Variants in PDE11A observed in about 807,000 individuals in gnomAD.
The protein encoded by PDE11A is dual 3',5'-cyclic-AMP and -GMP phosphodiesterase 11A.
In PDE11A, 100 loss-of-function variants were observed where a neutral mutation model predicts 100.5. The ratio of observed to expected loss-of-function variants is 1.00; its 90% confidence interval spans 0.85 to 1.18. The LOEUF is 1.18. PDE11A is among the 50% of genes most tolerant of loss of function. PDE11A has a pLI of 0.00. For missense variants in PDE11A, 1,141 were observed against 1,152.6 expected, an observed-to-expected ratio of 0.99 and a Z score of 0.15; for synonymous variants, 381 against 420.8, an observed-to-expected ratio of 0.91 and a Z score of 1.16.
chr2:178,010,610 G>T (rs1217743850), intron 2 of PDE11A, among the ~76,000 whole-genome samples: 2 of 152,162 alleles, frequency 1.3e-5, no homozygotes, highest in African/African-American at 4.8e-5. Context: ...TGTTCAAGAT[G>T]TTCATTCAAG....
chr2:177,724,504 G>A (rs2081572495), intron 12 of PDE11A, among the ~76,000 whole-genome samples: 1 of 152,088 alleles, frequency 6.6e-6, no homozygotes, highest in African/African-American at 2.4e-5. Flanking sequence ...TGTACGTGGT[G>A]CCAAAATTTG....
intron 2 of PDE11A, among the ~76,000 whole-genome samples, chr2:177,916,252 T>C (rs182137179): frequency 5.9e-4 from 90 of 152,346 alleles, no homozygotes; most frequent in African/African-American, 2.0e-3. Flanking sequence ...ATAAAGTGGG[T>C]TGGCTATGCA....
At chr2:177,706,350 C>T (rs564487576) in intron 13 of PDE11A, among the ~76,000 whole-genome samples, 5 of 152,186 alleles carry the variant, frequency 3.3e-5, no homozygotes, top group South Asian at 2.1e-4. Flanking sequence ...GACTAGAATT[C>T]GACTGGGAGC....
At chr2:178,099,593 A>G (rs2087537075) in intron 2 of PDE11A, among the ~76,000 whole-genome samples, 1 of 152,206 alleles carries the variant, frequency 6.6e-6, no homozygotes, top group Admixed American at 6.5e-5. Flanking sequence ...ACAAAAACAG[A>G]AAATAAGTGT....
chr2:178,084,167 T>C (rs1249108623), intron 2 of PDE11A, among the ~76,000 whole-genome samples: 1 of 152,192 alleles, frequency 6.6e-6, no homozygotes, highest in Non-Finnish European at 1.5e-5. Flanking sequence ...AGTATAAAAA[T>C]CCAAAGAGGA....
chr2:177,631,612 TATAC>T (rs2079947431), intron 19 of PDE11A, among the ~76,000 whole-genome samples: 1 of 128,884 alleles, frequency 7.8e-6, no homozygotes, highest in Non-Finnish European at 1.6e-5. Context: ...TGTGTATATA[TATAC>T]ATATATGTGT....
At chr2:177,934,825 TC>T (rs1212727096) in intron 2 of PDE11A, among the ~76,000 whole-genome samples, 1 of 152,222 alleles carries the variant, frequency 6.6e-6, no homozygotes, top group Non-Finnish European at 1.5e-5. Flanking sequence ...TGAGGGCATG[TC>T]CTTTGCAGCA....
intron 2 of PDE11A, among the ~76,000 whole-genome samples, chr2:177,970,366 A>G (rs1207750848): frequency 1.3e-5 from 2 of 152,168 alleles, no homozygotes; most frequent in Admixed American, 1.3e-4. Flanking sequence ...AAGGTTATAG[A>G]TCCAAGAGTC....
chr2:177,807,567 C>T (rs2082891091), intron 9 of PDE11A, among the ~76,000 whole-genome samples: 1 of 151,946 alleles, frequency 6.6e-6, no homozygotes, highest in South Asian at 2.1e-4. Flanking sequence ...ACTACAAGCG[C>T]ATGCCACCAT....
At chr2:178,048,014 C>T (rs999671790) in intron 1 of PDE11A, among the ~76,000 whole-genome samples, 4 of 152,216 alleles carry the variant, frequency 2.6e-5, no homozygotes, top group South Asian at 2.1e-4. Flanking sequence ...ATCCTATCCA[C>T]TGCCTACCCA....
At chr2:177,687,782 C>G (rs2080976412) in intron 15 of PDE11A, 2 of 152,032 alleles carry the variant, frequency 1.3e-5, no homozygotes, top group East Asian at 3.9e-4. Context: ...ACTGGTAGGG[C>G]TGTATGGAAC....
chr2:177,814,930 T>C (rs560687532), intron 9 of PDE11A, among the ~76,000 whole-genome samples: 1 of 152,308 alleles, frequency 6.6e-6, no homozygotes, highest in East Asian at 1.9e-4. Flanking sequence ...GCAGTTATTC[T>C]AGCTCCTTCT....
At chr2:177,760,303 G>A (rs563018268) in intron 10 of PDE11A, among the ~76,000 whole-genome samples, 2 of 152,268 alleles carry the variant, frequency 1.3e-5, no homozygotes, top group East Asian at 3.9e-4. Context: ...GGTAGCATTA[G>A]TGTATAGTTT....
At chr2:177,787,913 A>C (rs1574142309) in intron 9 of PDE11A, among the ~76,000 whole-genome samples, 1 of 152,146 alleles carries the variant, frequency 6.6e-6, no homozygotes. Context: ...CTACAAAGAG[A>C]CTTAGACTTC....
chr2:177,836,643 T>G (rs750759334), intron 6 of PDE11A, among the ~76,000 whole-genome samples: 1 of 152,226 alleles, frequency 6.6e-6, no homozygotes, highest in Non-Finnish European at 1.5e-5. Context: ...TTGCAATAAA[T>G]CTTGCTGCTG....
chr2:177,706,943 T>A (rs2081289801), intron 13 of PDE11A, among the ~76,000 whole-genome samples: 1 of 152,186 alleles, frequency 6.6e-6, no homozygotes, highest in Admixed American at 6.5e-5. Flanking sequence ...TAGTAAGGTT[T>A]ACTTTGGTTT....
chr2:177,863,448 C>A (rs2083977300), intron 5 of PDE11A, among the ~76,000 whole-genome samples: 1 of 151,836 alleles, frequency 6.6e-6, no homozygotes, highest in African/African-American at 2.4e-5. Flanking sequence ...AGGGGTTAAC[C>A]ATTCAAAATT....
intron 4 of PDE11A, 129 bp downstream of exon 4, chr2:177,897,929 A>G: frequency 1.3e-6 from 1 of 761,664 alleles, no homozygotes; most frequent in Non-Finnish European, 2.3e-6. Context: ...TGTTTGATGA[A>G]AAGTTGCCCC....
At chr2:177,708,988 G>C (rs1462084738) in intron 13 of PDE11A, among the ~76,000 whole-genome samples, 1 of 152,168 alleles carries the variant, frequency 6.6e-6, no homozygotes, top group East Asian at 1.9e-4. Flanking sequence ...GAAAGAAGGA[G>C]AGAAGGGCAT....
Sources: gnomAD v4.1 joint callset for allele counts (sites outside exome capture counted in the v4.1 genomes callset) on GRCh38, gnomAD v4.1.1 for gene constraint, MANE v1.5 for transcripts, NCBI Gene and HGNC (gene_info 2026-07-23, HGNC 2026-07-21) for gene names.